The following NRG1 variants were observed in gnomAD, a reference collection of about 807,000 sequenced individuals.
NRG1 encodes the protein neuregulin 1, also known as pro-neuregulin-1, membrane-bound isoform.
NRG1 carries 18 observed loss-of-function variants against 63.8 expected under a neutral mutation model. The ratio of observed to expected loss-of-function variants is 0.28; its 90% CI spans 0.19 to 0.42. The LOEUF is 0.42. NRG1 is among the 10% of genes least tolerant of loss of function. The probability of loss-of-function intolerance (pLI) is 1.00; values close to 1 mark genes in which losing one functional copy is unlikely to be tolerated. For synonymous variants in NRG1, 302 were observed against 301.3 expected, an observed-to-expected ratio of 1.00 and a Z score of -0.02; for missense variants, 762 against 814.7, an observed-to-expected ratio of 0.94 and a Z score of 0.79.
intron 1 of NRG1, among the ~76,000 whole-genome samples, chr8:31,916,000 A>G (rs11786271): frequency 6.6e-6 from 1 of 152,140 alleles, no homozygotes; most frequent in Non-Finnish European, 1.5e-5. Flanking sequence ...ACTTACTTCC[A>G]GCACATTTCA....
intron 3 of NRG1, chr8:32,614,295 A>G: frequency 2.4e-6 from 1 of 418,212 alleles, no homozygotes; most frequent in Non-Finnish European, 4.3e-6. Flanking sequence ...TTATTTTAGC[A>G]CAGCTGATTT....
chr8:31,710,851 T>G (rs1033568822), intron 1 of NRG1, among the ~76,000 whole-genome samples: 20 of 152,106 alleles, frequency 1.3e-4, no homozygotes, highest in African/African-American at 4.8e-4. Flanking sequence ...TTCTGAGTGC[T>G]GCCATATGTT....
intron 1 of NRG1, among the ~76,000 whole-genome samples, chr8:32,452,845 C>G (rs1013408917): frequency 6.6e-6 from 1 of 152,124 alleles, no homozygotes; most frequent in East Asian, 1.9e-4. Context: ...ATTTAAATAC[C>G]TTTTAGCTAT....
At chr8:31,856,922 C>T (rs1039571549) in intron 1 of NRG1, among the ~76,000 whole-genome samples, 1 of 152,140 alleles carries the variant, frequency 6.6e-6, no homozygotes, top group Non-Finnish European at 1.5e-5. Context: ...AGTTAGGCTG[C>T]TCGGGGGTCA....
chr8:32,719,307 T>C (rs1402179545), intron 5 of NRG1, among the ~76,000 whole-genome samples: 2 of 152,044 alleles, frequency 1.3e-5, no homozygotes, highest in Non-Finnish European at 2.9e-5. Flanking sequence ...AACATGCATA[T>C]TAAAAACCTG....
At chr8:31,914,448 A>T (rs1483179343) in intron 1 of NRG1, among the ~76,000 whole-genome samples, 1 of 151,884 alleles carries the variant, frequency 6.6e-6, no homozygotes, top group Non-Finnish European at 1.5e-5. Context: ...CTGAGTGTCA[A>T]CATTTGAGAA....
intron 1 of NRG1, among the ~76,000 whole-genome samples, chr8:31,771,394 T>A (rs1818612162): frequency 6.6e-6 from 1 of 152,098 alleles, no homozygotes; most frequent in Non-Finnish European, 1.5e-5. Context: ...GGCATTTGGG[T>A]TTTTTTCCCC....
chr8:31,684,733 G>A (rs1257290985), intron 1 of NRG1, among the ~76,000 whole-genome samples: 1 of 151,848 alleles, frequency 6.6e-6, no homozygotes, highest in East Asian at 1.9e-4. Flanking sequence ...AGTTTTAGGT[G>A]GCATAAATAA....
At chr8:32,296,432 A>T (rs1854878589) in intron 1 of NRG1, among the ~76,000 whole-genome samples, 2 of 151,862 alleles carry the variant, frequency 1.3e-5, no homozygotes, top group South Asian at 4.1e-4. Context: ...TGGCCAAACT[A>T]GTGAAACCTC....
chr8:32,453,971 T>C (rs554264324), intron 1 of NRG1, among the ~76,000 whole-genome samples: 2 of 152,188 alleles, frequency 1.3e-5, no homozygotes, highest in African/African-American at 4.8e-5. Flanking sequence ...CTTTACAAAT[T>C]TTAGTTTTCT....
In NRG1 at chr8:32,281,184, C is replaced by CTTTTTTTTTTTTTTTTTTTTTTT. The variant is rs35582021; in HGVS notation, c.38-314633_38-314632insTTTTTTTTTTTTTTTTTTTTTTT. On this transcript the variant is annotated intron_variant, in intron 1 of 10. Transcript: ENST00000519301. Reference sequence around the variant, plus strand: ...CATAGTACCCAATAGGTAGTTTTTCCTTTTTTTTTTTGAGACAGAATCTCG... The same window carrying CTTTTTTTTTTTTTTTTTTTTTTT: ...CATAGTACCCAATAGGTAGTTTTTCCTTTTTTTTTTTTTTTTTTTTTTTTTTTTTTTTTTGAGACAGAATCTCG... Among the ~76,000 whole-genome samples, 6 of 94,328 alleles carry CTTTTTTTTTTTTTTTTTTTTTTT rather than the reference C, an allele frequency of 6.4e-5. 1 individual carries two copies. Among genetic ancestry groups the CTTTTTTTTTTTTTTTTTTTTTTT allele is most frequent in the Non-Finnish European group, 9.9e-5 (5 of 50,530 alleles). 61.9% of individuals were successfully genotyped at this position (94,328 alleles called of 152,430 possible).
chr8:32,046,242 A>T (rs939075503), intron 1 of NRG1, among the ~76,000 whole-genome samples: 2 of 152,098 alleles, frequency 1.3e-5, no homozygotes, highest in Admixed American at 1.3e-4. Flanking sequence ...TGATAATGCC[A>T]TAGCACTAGA....
intron 1 of NRG1, among the ~76,000 whole-genome samples, chr8:32,434,871 AG>A (rs1818589516): frequency 1.3e-5 from 2 of 152,208 alleles, no homozygotes; most frequent in African/African-American, 4.8e-5. Flanking sequence ...GGGTATTGTA[AG>A]TAATGTAGAG....
chr8:31,701,625 T>C (rs570753370), intron 1 of NRG1, among the ~76,000 whole-genome samples: 2 of 152,232 alleles, frequency 1.3e-5, no homozygotes, highest in African/African-American at 4.8e-5. Flanking sequence ...GATTCATTTA[T>C]TGAGAAAGAT....
chr8:32,083,955 A>G (rs1313406451), intron 1 of NRG1, among the ~76,000 whole-genome samples: 1 of 152,240 alleles, frequency 6.6e-6, no homozygotes, highest in East Asian at 1.9e-4. Context: ...ACTGAGGCAT[A>G]AAATTTACCT....
chr8:31,989,459 C>G (rs1440258092), intron 1 of NRG1, among the ~76,000 whole-genome samples: 1 of 151,768 alleles, frequency 6.6e-6, no homozygotes, highest in Non-Finnish European at 1.5e-5. Flanking sequence ...CGTCTTCATA[C>G]AGCATAAGGC....
At chr8:32,109,298 C>T (rs750232017) in intron 1 of NRG1, among the ~76,000 whole-genome samples, 1 of 152,156 alleles carries the variant, frequency 6.6e-6, no homozygotes, top group Admixed American at 6.5e-5. Context: ...CACAATAGAT[C>T]ATGATTAGCT....
chr8:31,901,377 C>A (rs543601135), intron 1 of NRG1, among the ~76,000 whole-genome samples: 1 of 152,100 alleles, frequency 6.6e-6, no homozygotes, highest in East Asian at 1.9e-4. Context: ...CAATAGTACA[C>A]CAAACTATGT....
rs574385068 is a variant in NRG1 at position 32,754,598 on chromosome 8, G to A, written c.794+124G>A. The stretch of plus-strand genomic sequence containing the variant: ...GGATAAAAAAAAAAGGAGGGGCAGG[G>A]GGAGATTATTTCCTCTGAATAATCC... On this transcript the variant is annotated intron_variant, in intron 8 of 11. Coordinates refer to ENST00000356819, the Ensembl canonical transcript of NRG1. 23 of 823,640 alleles carry A rather than the reference G, an allele frequency of 2.8e-5. No homozygotes were observed. In the East Asian group the frequency reaches 5.6e-4, roughly 20 times the overall value. The allele number at this position is 823,640 out of a possible 1,614,324, so 51.0% of individuals were successfully genotyped here.
Sources: allele counts gnomAD v4.1 joint callset (sites outside exome capture counted in the v4.1 genomes callset), GRCh38; gene constraint gnomAD v4.1.1; transcripts MANE v1.5; gene names NCBI Gene and HGNC (gene_info 2026-07-23, HGNC 2026-07-21).